Variants in CEP128 observed in about 807,000 individuals in gnomAD.
The protein encoded by CEP128 is centrosomal protein 128kDa.
Under a neutral mutation model 156.7 loss-of-function variants are expected in CEP128, and 132 were observed. The observed-to-expected ratio is 0.84, with a 90% CI of 0.73 to 0.97. The LOEUF (loss-of-function observed/expected upper bound fraction) is 0.97. CEP128 is among the 50% of genes least tolerant of loss of function. The pLI, the probability that CEP128 is intolerant of heterozygous loss-of-function variation, is 0.00. For synonymous variants in CEP128, 469 were observed against 448.9 expected (o/e 1.04, Z -0.57); for missense variants, 1,252 against 1,281.9 (o/e 0.98, Z 0.36).
intron 8 of CEP128, among the ~76,000 whole-genome samples, chr14:80,887,893 A>C (rs189413879): frequency 9.0e-4 from 137 of 152,320 alleles, no homozygotes; most frequent in African/African-American, 3.0e-3. Flanking sequence ...CAGACTAATA[A>C]AGAAGAAAAG....
chr14:80,946,460 C>T (rs545974801), upstream of CEP128, among the ~76,000 whole-genome samples: 3 of 151,670 alleles, frequency 2.0e-5, no homozygotes, highest in African/African-American at 7.3e-5. Flanking sequence ...TAAGATTATA[C>T]TAATGAGATC....
chr14:80,553,986 A>G (rs1052566619), intron 21 of CEP128, among the ~76,000 whole-genome samples: 2 of 152,192 alleles, frequency 1.3e-5, no homozygotes, highest in African/African-American at 4.8e-5. Context: ...TGATTTACCC[A>G]TAGAATTTTT....
intron 19 of CEP128, among the ~76,000 whole-genome samples, chr14:80,662,567 T>C (rs933838818): frequency 8.5e-5 from 13 of 152,100 alleles, no homozygotes; most frequent in African/African-American, 3.1e-4. Context: ...TGCAGTTAAA[T>C]AGAGGATTTG....
chr14:80,818,279 A>T (rs1884977818), intron 13 of CEP128, among the ~76,000 whole-genome samples: 1 of 152,200 alleles, frequency 6.6e-6, no homozygotes, highest in Non-Finnish European at 1.5e-5. Context: ...TCCACCTCCC[A>T]AAGTGGTAGG....
chr14:80,641,378 G>T (rs1291915535), intron 19 of CEP128, among the ~76,000 whole-genome samples: 6 of 152,278 alleles, frequency 3.9e-5, no homozygotes, highest in African/African-American at 1.2e-4. Context: ...TTAACATAGG[G>T]CCAGCGTGCC....
At chr14:80,910,415 G>A (rs751841641) in intron 4 of CEP128, among the ~76,000 whole-genome samples, 14 of 152,228 alleles carry the variant, frequency 9.2e-5, no homozygotes, top group Admixed American at 1.3e-4. Context: ...CACCATCCCC[G>A]CTTGGTACTG....
chr14:80,632,070 G>A (rs1168539145), intron 19 of CEP128, among the ~76,000 whole-genome samples: 2 of 152,032 alleles, frequency 1.3e-5, no homozygotes, highest in African/African-American at 4.8e-5. Flanking sequence ...TTAAAAAGGT[G>A]CTGCTTCTAT....
chr14:80,931,053 G>A (rs1382881354), intron 2 of CEP128, among the ~76,000 whole-genome samples: 1 of 152,206 alleles, frequency 6.6e-6, no homozygotes, highest in African/African-American at 2.4e-5. Context: ...CCAGGTTGAT[G>A]AGCCTGTCAA....
chr14:80,604,714 T>C (rs1892713043), intron 19 of CEP128, among the ~76,000 whole-genome samples: 1 of 152,118 alleles, frequency 6.6e-6, no homozygotes, highest in Admixed American at 6.5e-5. Flanking sequence ...TTATAGTATT[T>C]ATTCTATTAC....
intron 23 of CEP128, among the ~76,000 whole-genome samples, chr14:80,520,944 A>T (rs12893026): frequency 0.79 from 118,213 of 150,132 alleles, 48,652 homozygotes; most frequent in Middle Eastern, 0.91. Flanking sequence ...TGCCTCAGCC[A>T]CCCAAGTAGC....
chr14:80,676,770 C>T (rs932556010), intron 19 of CEP128, among the ~76,000 whole-genome samples: 2 of 152,078 alleles, frequency 1.3e-5, no homozygotes, highest in Admixed American at 6.6e-5. Flanking sequence ...ATGTTTTATG[C>T]AATTATTACC....
intron 21 of CEP128, among the ~76,000 whole-genome samples, chr14:80,555,070 A>C (rs1330968448): frequency 2.0e-5 from 3 of 152,146 alleles, no homozygotes; most frequent in Non-Finnish European, 4.4e-5. Flanking sequence ...TGATATAAAA[A>C]AATCAAGTCT....
intron 2 of CEP128, among the ~76,000 whole-genome samples, chr14:80,922,037 T>A (rs1884897108): frequency 1.3e-5 from 2 of 151,130 alleles, no homozygotes; most frequent in African/African-American, 4.9e-5. Context: ...GCAAATGGAG[T>A]ATAATCAGAA....
chr14:80,762,530 T>C (rs1054551651), intron 16 of CEP128, among the ~76,000 whole-genome samples: 1 of 152,208 alleles, frequency 6.6e-6, no homozygotes, highest in South Asian at 2.1e-4. Flanking sequence ...GAATTAATCA[T>C]GAAAGCTAGA....
At chr14:80,787,421 A>T (rs1408510702) in intron 14 of CEP128, among the ~76,000 whole-genome samples, 1 of 152,084 alleles carries the variant, frequency 6.6e-6, no homozygotes, top group African/African-American at 2.4e-5. Context: ...ATCCTTCCGA[A>T]GCTCCAACTC....
intron 14 of CEP128, among the ~76,000 whole-genome samples, chr14:80,483,529 G>A (rs912394293): frequency 2.0e-5 from 3 of 152,208 alleles, no homozygotes; most frequent in African/African-American, 4.8e-5. Flanking sequence ...ACAACACGGC[G>A]ATGTGAATTT....
At chr14:80,893,860 G>A (rs898069631) in intron 8 of CEP128, among the ~76,000 whole-genome samples, 1 of 151,968 alleles carries the variant, frequency 6.6e-6, no homozygotes, top group African/African-American at 2.4e-5. Context: ...TCCAGAAACA[G>A]ATGTTTGTGT....
rs1555390205 is a variant in CEP128 at position 80,678,049 on chromosome 14, A to AATATATATATATATATAT, written c.2806+65025_2806+65026insATATATATATATATATAT. Among the ~76,000 whole-genome samples the AATATATATATATATATAT allele has an allele frequency of 5.6e-3, 551 of 98,440 alleles. 10 individuals are homozygous for AATATATATATATATATAT. Among genetic ancestry groups the AATATATATATATATATAT allele is most frequent in the African/African-American group, 0.016 (523 of 31,710 alleles). The allele number at this position is 98,440 out of a possible 152,430, so 64.6% of individuals were successfully genotyped here. On this transcript the variant is annotated intron_variant, in intron 19 of 24. Transcript: ENST00000555265. ...ATGGACAGTTGCTCTATAAAAAAAA[A>AATATATATATATATATAT]ATATATATATATATGTATATATATA...
At chr14:80,852,617 C>A (rs1467481509) in intron 9 of CEP128, among the ~76,000 whole-genome samples, 2 of 151,226 alleles carry the variant, frequency 1.3e-5, no homozygotes, top group Non-Finnish European at 3.0e-5. Flanking sequence ...CATGAATTAC[C>A]AAATTGACTT....
Sources: gnomAD v4.1 joint callset for allele counts (sites outside exome capture counted in the v4.1 genomes callset) on GRCh38, gnomAD v4.1.1 for gene constraint, MANE v1.5 for transcripts, NCBI Gene and HGNC (gene_info 2026-07-23, HGNC 2026-07-21) for gene names.